The following RBKS variants were observed in gnomAD, a reference collection of about 807,000 sequenced individuals.
RBKS encodes the protein ribokinase.
Under a neutral mutation model 33.9 loss-of-function variants are expected in RBKS, and 33 were observed. The ratio of observed to expected loss-of-function variants is 0.97; its 90% confidence interval spans 0.74 to 1.30. The LOEUF is 1.30. Ranked by LOEUF, RBKS falls within the 50% of genes most tolerant of loss-of-function variation. RBKS has a pLI of 0.00. For missense variants in RBKS, 361 were observed against 392.6 expected (o/e 0.92, Z 0.68); for synonymous variants, 125 against 143.0 (o/e 0.87, Z 0.90).
intron 6 of RBKS, among the ~76,000 whole-genome samples, chr2:27,828,859 G>A (rs1678368014): frequency 6.6e-6 from 1 of 151,988 alleles, no homozygotes; most frequent in African/African-American, 2.4e-5. Flanking sequence ...CATAATGAAT[G>A]TTAATCTTAA....
intron 1 of RBKS, among the ~76,000 whole-genome samples, chr2:27,867,897 A>G (rs1335773704): frequency 6.6e-6 from 1 of 152,236 alleles, no homozygotes; most frequent in East Asian, 1.9e-4. Context: ...CAGAGCAGAA[A>G]GGGTTTGGTG....
At chr2:27,860,591 G>A (rs531518382) in intron 1 of RBKS, among the ~76,000 whole-genome samples, 34 of 152,220 alleles carry the variant, frequency 2.2e-4, no homozygotes, top group Non-Finnish European at 4.3e-4. Flanking sequence ...TTATTACTGG[G>A]ATGTATATAT....
intron 1 of RBKS, among the ~76,000 whole-genome samples, chr2:27,872,698 T>C (rs762203316): frequency 6.6e-5 from 10 of 152,006 alleles, no homozygotes; most frequent in Non-Finnish European, 1.3e-4. Flanking sequence ...CAAAAAAATA[T>C]ATAACAACAA....
chr2:27,849,715 T>C (rs1663700957), intron 2 of RBKS, among the ~76,000 whole-genome samples: 1 of 152,128 alleles, frequency 6.6e-6, no homozygotes, highest in Non-Finnish European at 1.5e-5. Flanking sequence ...CATTCTTGCT[T>C]TGTGGTCCAC....
chr2:27,823,379 T>C (rs931240898), intron 7 of RBKS, among the ~76,000 whole-genome samples: 6 of 152,342 alleles, frequency 3.9e-5, no homozygotes, highest in Admixed American at 2.0e-4. Flanking sequence ...TGGCTTCTTC[T>C]AGGCAGGCTG....
rs778525999 is a variant in RBKS at position 27,843,094 on chromosome 2, C to A, written c.487G>T (p.Ala163Ser). The A allele has an allele frequency of 1.2e-6, 2 of 1,606,210 alleles. No homozygotes were observed. Among genetic ancestry groups the A allele is most frequent in the Admixed American group, 3.4e-5 (2 of 58,932 alleles). ...CCACTCCTGCGGGCCATTGTTAGGG[C>A]TTCCAAAGAAGTTGCTGGAGTTATT... ...LEITPATSLE[A>S]LTMARRSGVK... Residue 163 changes from alanine (A) to serine (S), a missense_variant, in exon 5 of 8, where the codon GCC (alanine) becomes TCC (serine). By Grantham distance (99) the Ala-to-Ser change is moderately conservative. Transcript: ENST00000302188.
chr2:27,866,716 T>TA (rs1386682400), intron 1 of RBKS, among the ~76,000 whole-genome samples: 9 of 152,346 alleles, frequency 5.9e-5, no homozygotes, highest in African/African-American at 2.2e-4. Flanking sequence ...TTTCATTTTT[T>TA]AGACCTGGAA....
intron 1 of RBKS, among the ~76,000 whole-genome samples, chr2:27,873,094 T>A (rs1664246489): frequency 6.6e-6 from 1 of 152,174 alleles, no homozygotes; most frequent in South Asian, 2.1e-4. Context: ...CCTAGGAACC[T>A]TCCCTGGTTC....
chr2:27,828,743 C>T (rs1678365341), intron 6 of RBKS, among the ~76,000 whole-genome samples: 2 of 152,170 alleles, frequency 1.3e-5, no homozygotes, highest in South Asian at 4.1e-4. Context: ...GATTTAAAAA[C>T]ATTTCCATGA....
intron 5 of RBKS, among the ~76,000 whole-genome samples, chr2:27,840,650 A>C (rs980263169): frequency 1.3e-5 from 2 of 152,138 alleles, no homozygotes; most frequent in Admixed American, 6.5e-5. Flanking sequence ...GACAGTGTTA[A>C]AATTTATGGA....
rs572347197 is a variant in RBKS at position 27,890,339 on chromosome 2, C to T, written c.7G>A (p.Ala3Thr). ...CACTGCCTCTGGGGTTCCCCAGACG[C>T]CGCCATCGCTCAAAGGTGCTGCTGT... MAASGEPQRQWQE... is the reference protein window; with the variant it reads MATSGEPQRQWQE... Residue 3 changes from alanine to threonine, a missense_variant, in exon 1 of 8, where the codon GCG becomes ACG. Coordinates refer to ENST00000302188, the MANE Select transcript of RBKS (RefSeq NM_022128.3). This position sits in a 1 kb window ranked among gnomAD's most constrained non-coding sequence, Gnocchi z 4.8. 3.7e-6 allele frequency: 6 copies of T among 1,613,502 alleles called. No homozygotes were observed. The African/African-American group carries it at 4.0e-5, about 11-fold the overall frequency.
At chr2:27,788,702 C>A (rs1161871461) in intron 7 of RBKS, among the ~76,000 whole-genome samples, 5 of 152,066 alleles carry the variant, frequency 3.3e-5, no homozygotes, top group Non-Finnish European at 5.9e-5. Flanking sequence ...GCGAAAAAAA[C>A]CAATTCTATT....
intron 7 of RBKS, among the ~76,000 whole-genome samples, chr2:27,824,284 T>C (rs1311407862): frequency 6.6e-6 from 1 of 152,224 alleles, no homozygotes; most frequent in Admixed American, 6.5e-5. Context: ...GCATTTAGTA[T>C]TGTCACAATG....
Position 27,810,055 on chromosome 2 carries a change from TGAAG to T in RBKS, c.795+17508_795+17511del. The T allele has an allele frequency of 7.7e-7, 1 of 1,304,124 alleles. No individual in the cohort carries two copies. Among genetic ancestry groups the T allele is most frequent in the South Asian group, 1.2e-5 (1 of 80,988 alleles). The allele number at this position is 1,304,124 out of a possible 1,614,324, so 80.8% of individuals were successfully genotyped here. ...TTGAGCCAGGTCTACACTGTGAAAA[TGAAG>T]GAAGGAACTGAGCAATTGTTCTGTG... is the stretch of plus-strand genomic sequence containing the variant. On this transcript the variant is annotated intron_variant, in intron 7 of 7. Transcript: ENST00000302188. This position sits in a 1 kb window ranked among gnomAD's most constrained non-coding sequence, Gnocchi z 4.4.
chr2:27,843,072 C>T lies in RBKS; in HGVS notation c.509G>A (p.Ser170Asn). Residue 170 changes from serine to asparagine, a missense_variant, in exon 5 of 8, where the codon AGT (serine) becomes AAT (asparagine). Coordinates refer to ENST00000302188, the MANE Select transcript of RBKS (RefSeq NM_022128.3). Reference protein sequence around the residue: ...SLEALTMARRSGVKTLFNPAP... With the variant: ...SLEALTMARRNGVKTLFNPAP... ...TGACAAATATGTATAATTACCTCCA[C>T]TCCTGCGGGCCATTGTTAGGGCTTC... 1 of 1,585,718 alleles carries T rather than the reference C, an allele frequency of 6.3e-7. No individual in the cohort carries two copies. The highest frequency in any genetic ancestry group is 8.6e-7 in the Non-Finnish European group (1 of 1,165,690).
chr2:27,825,848 C>G (rs1678301292), intron 7 of RBKS, among the ~76,000 whole-genome samples: 1 of 152,224 alleles, frequency 6.6e-6, no homozygotes, highest in Admixed American at 6.5e-5. Context: ...GGGATAGTAA[C>G]TAACATGGAC....
chr2:27,794,383 A>G (rs1250601879), intron 7 of RBKS, among the ~76,000 whole-genome samples: 2 of 150,632 alleles, frequency 1.3e-5, no homozygotes, highest in Non-Finnish European at 3.0e-5. Flanking sequence ...TGAGAAAGAA[A>G]TCAATATCAG....
chr2:27,832,658 T>A lies in RBKS; in HGVS notation c.606+28A>T, dbSNP rs560779270. The A allele has an allele frequency of 2.7e-6, 4 of 1,505,528 alleles. No homozygotes were observed. In the Admixed American group the frequency reaches 6.7e-5, roughly 25 times the overall value. 93.3% of individuals were successfully genotyped at this position (1,505,528 alleles called of 1,614,324 possible). A position where few individuals can be genotyped will look rare whatever the true frequency, so the allele number is the denominator to read the frequency against. ...ACTTGTACAAACTTTTGGTTTCTCA[T>A]AGAATGAGCAAAGCAATTCACCCTT... On this transcript the variant is annotated intron_variant, in intron 6 of 7. Transcript: ENST00000302188.
intron 6 of RBKS, among the ~76,000 whole-genome samples, chr2:27,828,165 A>G (rs1449882514): frequency 6.6e-6 from 1 of 152,230 alleles, no homozygotes; most frequent in Non-Finnish European, 1.5e-5. Flanking sequence ...AACTAAATAC[A>G]TACAGGGAAG....
Sources: allele counts gnomAD v4.1 joint callset (sites outside exome capture counted in the v4.1 genomes callset), GRCh38; gene constraint gnomAD v4.1.1; non-coding constraint Gnocchi (gnomAD v3.1); transcripts MANE v1.5; gene names NCBI Gene and HGNC (gene_info 2026-07-23, HGNC 2026-07-21).